CYP39A1: variants seen among roughly 807,000 people sequenced by gnomAD.
CYP39A1 encodes 24-hydroxycholesterol 7-alpha-hydroxylase.
A neutral mutation model predicts 58.1 loss-of-function variants in CYP39A1; 49 were observed. The ratio of observed to expected loss-of-function variants is 0.84; its 90% CI spans 0.67 to 1.07. The LOEUF (loss-of-function observed/expected upper bound fraction) is 1.07, where lower values mean the gene tolerates loss of function less well. Among genes scored for constraint, CYP39A1 ranks in the 50% least tolerant of loss-of-function variants. The probability of loss-of-function intolerance (pLI) is 0.00; values close to 1 mark genes in which losing one functional copy is unlikely to be tolerated. For missense variants in CYP39A1, 531 were observed against 539.4 expected, an observed-to-expected ratio of 0.98 and a Z score of 0.16; for synonymous variants, 209 against 187.6, an observed-to-expected ratio of 1.11 and a Z score of -0.93.
At chr6:46,550,752 T>G (rs770906943) in intron 11 of CYP39A1, among the ~76,000 whole-genome samples, 1 of 152,240 alleles carries the variant, frequency 6.6e-6, no homozygotes, top group Non-Finnish European at 1.5e-5. Flanking sequence ...TCTACAATTC[T>G]GGCTCAAAAA....
At chr6:46,593,282 T>C (rs557412320) in intron 8 of CYP39A1, among the ~76,000 whole-genome samples, 1 of 152,252 alleles carries the variant, frequency 6.6e-6, no homozygotes, top group East Asian at 1.9e-4. Context: ...GTATCTCTTC[T>C]GGCAAAGTTG....
intron 1 of CYP39A1, among the ~76,000 whole-genome samples, chr6:46,648,055 C>T (rs137963541): frequency 0.011 from 1,712 of 152,292 alleles, 36 homozygotes; most frequent in African/African-American, 0.04. Context: ...CACTTTTACA[C>T]TGTTGGTGGG....
intron 5 of CYP39A1, 117 bp downstream of exon 5, chr6:46,636,272 A>G: frequency 1.5e-6 from 1 of 677,510 alleles, no homozygotes; most frequent in Non-Finnish European, 2.5e-6. Context: ...TGTCCAGTAC[A>G]GTGGTTGACA....
intron 7 of CYP39A1, among the ~76,000 whole-genome samples, chr6:46,617,356 T>G (rs7357011): frequency 0.19 from 28,330 of 152,032 alleles, 2,785 homozygotes; most frequent in African/African-American, 0.25. Context: ...GCAGAGTGTT[T>G]TTAGTGGGTA....
At chr6:46,650,811 C>T (rs534220952) in intron 1 of CYP39A1, among the ~76,000 whole-genome samples, 3 of 152,048 alleles carry the variant, frequency 2.0e-5, no homozygotes, top group Admixed American at 6.5e-5. Flanking sequence ...ACACAGAGTC[C>T]AGCAATAACT....
chr6:46,552,775 C>T (rs1770472355), intron 11 of CYP39A1, among the ~76,000 whole-genome samples: 1 of 152,154 alleles, frequency 6.6e-6, no homozygotes, highest in South Asian at 2.1e-4. Context: ...GCGGCATCAC[C>T]TGGAGCTTGT....
Position 46,585,322 on chromosome 6 carries a change from TATAGATAGATAG to T in CYP39A1, c.1250+1743_1250+1754del, listed in dbSNP as rs3837039. Among the ~76,000 whole-genome samples, 974 of 149,838 alleles carry T rather than the reference TATAGATAGATAG, an allele frequency of 6.5e-3. 11 individuals are homozygous for T. Among genetic ancestry groups the T allele is most frequent in the African/African-American group, 0.022 (882 of 40,706 alleles). On this transcript the variant is annotated intron_variant, in intron 10 of 11. Coordinates refer to ENST00000275016, the MANE Select transcript of CYP39A1 (RefSeq NM_016593.5). ...CAATAAATTATTTAGTTGCTATTGG[TATAGATAGATAG>T]ATAGATAGATAGATAGATAGATAGA... is the stretch of plus-strand genomic sequence containing the variant.
intron 2 of CYP39A1, 107 bp downstream of exon 2, chr6:46,642,056 G>A: frequency 8.5e-7 from 1 of 1,180,892 alleles, no homozygotes; most frequent in Non-Finnish European, 1.2e-6. Flanking sequence ...ATAAAATAAT[G>A]GACCCTCATC....
chr6:46,616,016 TCC>T (rs879283101), intron 7 of CYP39A1, among the ~76,000 whole-genome samples: 2 of 86,268 alleles, frequency 2.3e-5, no homozygotes, highest in African/African-American at 5.5e-5. Context: ...CCCCCCTCCC[TCC>T]CCCTCCCTCC....
chr6:46,606,452 C>T (rs1280944511), intron 7 of CYP39A1, among the ~76,000 whole-genome samples: 1 of 152,130 alleles, frequency 6.6e-6, no homozygotes, highest in African/African-American at 2.4e-5. Context: ...ACTGTGCATA[C>T]TTCAATGCAC....
intron 10 of CYP39A1, among the ~76,000 whole-genome samples, chr6:46,558,520 C>A (rs1770780371): frequency 6.6e-6 from 1 of 152,128 alleles, no homozygotes; most frequent in African/African-American, 2.4e-5. Flanking sequence ...CCAGGCCCCT[C>A]CTCCTCCAAA....
chr6:46,589,189 A>G (rs1772658023), intron 8 of CYP39A1, among the ~76,000 whole-genome samples: 1 of 152,158 alleles, frequency 6.6e-6, no homozygotes, highest in Admixed American at 6.6e-5. Flanking sequence ...GTGGTGGCTC[A>G]TGCCTGTAAT....
At chr6:46,604,907 G>A (rs1773743121) in intron 7 of CYP39A1, among the ~76,000 whole-genome samples, 1 of 151,716 alleles carries the variant, frequency 6.6e-6, no homozygotes, top group Non-Finnish European at 1.5e-5. Flanking sequence ...CTAGAATACA[G>A]GTATCCAATC....
chr6:46,552,149 C>A (rs966976871), intron 11 of CYP39A1, among the ~76,000 whole-genome samples: 5 of 152,100 alleles, frequency 3.3e-5, no homozygotes, highest in African/African-American at 1.2e-4. Context: ...CAATGCCATC[C>A]TTTTCACCTG....
At chr6:46,602,793 T>C (rs915685019) in intron 7 of CYP39A1, among the ~76,000 whole-genome samples, 2 of 151,864 alleles carry the variant, frequency 1.3e-5, no homozygotes, top group African/African-American at 2.4e-5. Flanking sequence ...AAGCAGTTAT[T>C]ATTGCCAATT....
intron 5 of CYP39A1, among the ~76,000 whole-genome samples, chr6:46,633,701 A>C (rs1238304985): frequency 6.6e-6 from 1 of 152,154 alleles, no homozygotes; most frequent in Non-Finnish European, 1.5e-5. Context: ...TACTAAAAAT[A>C]TAAAAAATAG....
At chr6:46,562,211 T>C (rs952534285) in intron 10 of CYP39A1, among the ~76,000 whole-genome samples, 1 of 152,040 alleles carries the variant, frequency 6.6e-6, no homozygotes, top group Non-Finnish European at 1.5e-5. Context: ...TTAGTACAGA[T>C]GGTGTTTCAC....
intron 8 of CYP39A1, among the ~76,000 whole-genome samples, chr6:46,590,171 G>A (rs73463109): frequency 0.091 from 13,839 of 152,120 alleles, 1,603 homozygotes; most frequent in African/African-American, 0.27. Context: ...AGATCAAGAG[G>A]GAGGCAAAAC....
intron 7 of CYP39A1, among the ~76,000 whole-genome samples, chr6:46,620,256 G>T (rs1774871324): frequency 2.6e-5 from 4 of 151,936 alleles, no homozygotes; most frequent in African/African-American, 4.8e-5. Context: ...CACTAGATAG[G>T]GCACAACAAG....
Sources: gnomAD v4.1 joint callset for allele counts (sites outside exome capture counted in the v4.1 genomes callset) on GRCh38, gnomAD v4.1.1 for gene constraint, MANE v1.5 for transcripts, NCBI Gene and HGNC (gene_info 2026-07-23, HGNC 2026-07-21) for gene names.